STXBP5: variants seen among roughly 807,000 people sequenced by gnomAD.
STXBP5 encodes syntaxin binding protein 5.
A neutral mutation model predicts 152.4 loss-of-function variants in STXBP5; 50 were observed. The ratio of observed to expected loss-of-function variants is 0.33; its 90% CI spans 0.26 to 0.42. The LOEUF (loss-of-function observed/expected upper bound fraction) is 0.42. Ranked by LOEUF, STXBP5 falls within the 10% of genes least tolerant of loss-of-function variation. The pLI, the probability that STXBP5 is intolerant of heterozygous loss-of-function variation, is 1.00. For missense variants in STXBP5, 1,167 were observed against 1,388.6 expected (o/e 0.84, Z 2.54); for synonymous variants, 492 against 494.7 (o/e 0.99, Z 0.07).
chr6:147,292,042 T>C (rs1338826578), intron 9 of STXBP5, among the ~76,000 whole-genome samples: 4 of 152,170 alleles, frequency 2.6e-5, no homozygotes, highest in Non-Finnish European at 5.9e-5. Context: ...ATCTGTGTTT[T>C]AACTAGACCT....
chr6:147,352,644 T>G (rs1784641680), intron 21 of STXBP5, among the ~76,000 whole-genome samples: 2 of 152,080 alleles, frequency 1.3e-5, no homozygotes, highest in African/African-American at 4.8e-5. Context: ...CCAGTAGCTA[T>G]GAAGATGATG....
intron 21 of STXBP5, among the ~76,000 whole-genome samples, chr6:147,346,536 C>T (rs1454359297): frequency 6.6e-6 from 1 of 152,002 alleles, no homozygotes; most frequent in Admixed American, 6.6e-5. Context: ...GTCAAGAGTT[C>T]GAGACCAGCC....
intron 22 of STXBP5, among the ~76,000 whole-genome samples, chr6:147,354,882 T>C (rs1784748327): frequency 6.6e-6 from 1 of 152,162 alleles, no homozygotes; most frequent in African/African-American, 2.4e-5. Flanking sequence ...CCTCAAGTTA[T>C]TTTGTTGTTG....
At chr6:147,320,593 G>A (rs1457205608) in intron 16 of STXBP5, among the ~76,000 whole-genome samples, 8 of 149,414 alleles carry the variant, frequency 5.4e-5, no homozygotes, top group African/African-American at 2.0e-4. Context: ...GTGTGTGTGT[G>A]TACACATGCT....
chr6:147,206,777 G>A (rs1350009939), intron 2 of STXBP5, among the ~76,000 whole-genome samples: 2 of 151,996 alleles, frequency 1.3e-5, no homozygotes, highest in South Asian at 2.1e-4. Flanking sequence ...GTTTTATCAA[G>A]CATTTTTTTA....
chr6:147,343,541 G>T (rs1333361060), intron 21 of STXBP5, among the ~76,000 whole-genome samples: 2 of 152,096 alleles, frequency 1.3e-5, no homozygotes, highest in Admixed American at 1.3e-4. Context: ...ATGCCCCATG[G>T]TAGTGACTTA....
At chr6:147,328,293 C>A (rs1290009663) in intron 18 of STXBP5, among the ~76,000 whole-genome samples, 2 of 152,184 alleles carry the variant, frequency 1.3e-5, no homozygotes, top group African/African-American at 4.8e-5. Flanking sequence ...CTGTCCTGCC[C>A]AACTGGACCA....
chr6:147,355,043 G>A (rs1784754551), intron 22 of STXBP5, among the ~76,000 whole-genome samples: 1 of 152,190 alleles, frequency 6.6e-6, no homozygotes, highest in South Asian at 2.1e-4. Context: ...AGAAGCTTCT[G>A]TGCATAGAAT....
intron 23 of STXBP5, among the ~76,000 whole-genome samples, chr6:147,359,630 T>G (rs1784975120): frequency 9.4e-6 from 1 of 106,696 alleles, no homozygotes; most frequent in Non-Finnish European, 1.7e-5. Flanking sequence ...CCCACAACAG[T>G]TCCTAGAGTG....
In STXBP5 at chr6:147,309,136, G is replaced by A. The variant is rs139386421; in HGVS notation, c.918-948G>A. On this transcript the variant is annotated intron_variant, in intron 9 of 27. Transcript: ENST00000321680. ...ACTTTTAACCATTAGATATTATTAC[G>A]TATGGCTTATAGATGTGAAGACTAA... Among the ~76,000 whole-genome samples, 17 of 152,184 alleles carry A rather than the reference G, an allele frequency of 1.1e-4. 1 individual carries two copies. In the East Asian group the frequency reaches 2.7e-3, roughly 24 times the overall value.
Position 147,387,820 on chromosome 6 carries a change from T to C in STXBP5, c.*3065T>C, listed in dbSNP as rs1786414756. The C allele has an allele frequency of 6.6e-6, 1 of 151,622 alleles. No individual in the cohort carries two copies. Among genetic ancestry groups the C allele is most frequent in the Non-Finnish European group, 1.5e-5 (1 of 67,702 alleles). 9.4% of individuals were successfully genotyped at this position (151,622 alleles called of 1,614,324 possible). The stretch of plus-strand genomic sequence containing the variant: ...TTTTTGGCTTAGAACTTCTTAATTG[T>C]AGGTTCCTCTGAAGCGATTTCATGT... On this transcript the variant is annotated 3_prime_UTR_variant, in exon 28 of 28. Transcript: ENST00000321680.
At chr6:147,314,535 C>T in intron 13 of STXBP5, 61 bp from the exon 14 acceptor site, 3 of 1,534,480 alleles carry the variant, frequency 2.0e-6, no homozygotes, top group Non-Finnish European at 2.7e-6. Context: ...ATAGCAGTAC[C>T]CATTTAAAGA....
chr6:147,356,802 C>G (rs1784835356), intron 22 of STXBP5, among the ~76,000 whole-genome samples: 1 of 152,030 alleles, frequency 6.6e-6, no homozygotes, highest in Non-Finnish European at 1.5e-5. Flanking sequence ...TAAAGTACAA[C>G]TTAGAATTTA....
intron 7 of STXBP5, among the ~76,000 whole-genome samples, chr6:147,269,089 T>C (rs1780028604): frequency 6.6e-6 from 1 of 152,206 alleles, no homozygotes; most frequent in African/African-American, 2.4e-5. Context: ...ACCCCTGCCC[T>C]GAGTCTTCAG....
intron 2 of STXBP5, among the ~76,000 whole-genome samples, chr6:147,229,283 T>C (rs550575831): frequency 1.3e-5 from 2 of 152,180 alleles, no homozygotes; most frequent in South Asian, 4.1e-4. Context: ...CTTAAATTCA[T>C]TGCCTTTTTT....
chr6:147,359,344 TAG>T lies in STXBP5; in HGVS notation c.2545+24_2545+25del, dbSNP rs780565475. The T allele has an allele frequency of 1.9e-6, 3 of 1,601,970 alleles. No individual in the cohort carries two copies. In the African/African-American group the frequency reaches 4.0e-5, roughly 21 times the overall value. On this transcript the variant is annotated intron_variant, in intron 23 of 27. Transcript: ENST00000321680. The stretch of plus-strand genomic sequence containing the variant: ...AAGTGGTATGTATTGCTGCTGCACT[TAG>T]AGTTACATTACAGGTGTGATTTACT...
Position 147,313,889 on chromosome 6 carries a change from C to A in STXBP5, c.1151C>A (p.Pro384His). The A allele has an allele frequency of 6.6e-7, 1 of 1,523,270 alleles. No homozygotes were observed. Among genetic ancestry groups the A allele is most frequent in the Non-Finnish European group, 8.9e-7 (1 of 1,118,832 alleles). The allele number at this position is 1,523,270 out of a possible 1,614,324, so 94.4% of individuals were successfully genotyped here. Residue 384 changes from proline to histidine, a missense_variant, in exon 12 of 28, where the codon CCT becomes CAT. By Grantham distance (77) the Pro-to-His change is moderately conservative. Coordinates refer to ENST00000321680, the MANE Select transcript of STXBP5 (RefSeq NM_001127715.4). ...VLIDLAQNGY[P>H]IFENPYPLSI... ...TTCTTTTTCTGTTGTTAAAGATATC[C>A]TATATTTGAAAATCCCTACCCTTTG...
At chr6:147,227,803 CTTTTTTTCTTTTCCTGTGATGACTT>C (rs1777796290) in intron 2 of STXBP5, among the ~76,000 whole-genome samples, 2 of 152,116 alleles carry the variant, frequency 1.3e-5, no homozygotes, top group South Asian at 2.1e-4. Flanking sequence ...CGTATTATAC[CTTTTTTTCTTTTCCTGTGATGACTT>C]TTTTATTTCA....
intron 8 of STXBP5, among the ~76,000 whole-genome samples, chr6:147,285,231 G>A (rs1169217762): frequency 2.0e-5 from 3 of 152,126 alleles, no homozygotes; most frequent in Admixed American, 6.5e-5. Context: ...AAAAGAACAA[G>A]CACGTATTTT....
Sources: allele counts gnomAD v4.1 joint callset (sites outside exome capture counted in the v4.1 genomes callset), GRCh38; gene constraint gnomAD v4.1.1; transcripts MANE v1.5; gene names NCBI Gene and HGNC (gene_info 2026-07-23, HGNC 2026-07-21).